The following TJP2 variants were observed in gnomAD, a reference collection of about 807,000 sequenced individuals.
TJP2 encodes tight junction protein 2, also known as Friedreich ataxia region gene X104 (tight junction protein ZO-2).
TJP2 carries 91 observed loss-of-function variants against 133.1 expected under a neutral mutation model. That is an observed-to-expected ratio of 0.68 (90% CI 0.58 to 0.81). TJP2 has a LOEUF of 0.81. Among genes scored for constraint, TJP2 ranks in the 40% least tolerant of loss-of-function variants. TJP2 has a pLI of 0.00. For missense variants in TJP2, 1,541 were observed against 1,565.6 expected (o/e 0.98, Z 0.26); for synonymous variants, 592 against 583.4 (o/e 1.01, Z -0.21).
chr9:69,221,402 C>A lies in TJP2; in HGVS notation c.858C>A (p.Ser286Arg). 1 of 1,580,210 alleles carries A rather than the reference C, an allele frequency of 6.3e-7. No homozygotes were observed. The highest frequency in any genetic ancestry group is 8.6e-7 in the Non-Finnish European group (1 of 1,163,486). The part of the protein sequence containing the change: ...DARSRGPRSR[S>R]REHPHSRSPS... Reference sequence around the variant, plus strand: ...GCTCTCGGGGACCCCGAAGCCGCAGCCGCGAGCACCCGCACTCACGGAGCC... The same window carrying A: ...GCTCTCGGGGACCCCGAAGCCGCAGACGCGAGCACCCGCACTCACGGAGCC... The change falls in exon 5 of 23, where the codon AGC becomes AGA. Residue 286 changes from serine to arginine, a missense_variant. Transcript: ENST00000377245.
At chr9:69,206,824 G>A (rs1355246402) in intron 1 of TJP2, among the ~76,000 whole-genome samples, 1 of 152,038 alleles carries the variant, frequency 6.6e-6, no homozygotes, top group Non-Finnish European at 1.5e-5. Flanking sequence ...TGATCCACCC[G>A]CCTCGGCCTC....
chr9:69,247,114 T>TA (rs1830981157), intron 18 of TJP2, among the ~76,000 whole-genome samples: 1 of 152,200 alleles, frequency 6.6e-6, no homozygotes, highest in African/African-American at 2.4e-5. Flanking sequence ...GTGGGAAACT[T>TA]AGAGTGCAGA....
rs973469198 is a variant in TJP2 at position 69,203,292 on chromosome 9, T to G, written c.61-9256T>G. Among the ~76,000 whole-genome samples the G allele has an allele frequency of 2.7e-5, 4 of 149,620 alleles. No homozygotes were observed. The South Asian group carries it at 8.5e-4, about 32-fold the overall frequency. On this transcript the variant is annotated intron_variant, in intron 1 of 22. Transcript: ENST00000377245. Reference sequence around the variant, plus strand: ...GCTTAGATTCCAAGGTCCTCCTTTGTACCCATTTATTTATATAATAAATAA... The same window carrying G: ...GCTTAGATTCCAAGGTCCTCCTTTGGACCCATTTATTTATATAATAAATAA...
At chr9:69,165,306 A>G (rs1824291104) in intron 2 of TJP2, among the ~76,000 whole-genome samples, 1 of 151,198 alleles carries the variant, frequency 6.6e-6, no homozygotes, top group Non-Finnish European at 1.5e-5. Flanking sequence ...TACTTTTATT[A>G]TTTTTATTTT....
intron 1 of TJP2, among the ~76,000 whole-genome samples, chr9:69,191,714 A>G (rs898435981): frequency 3.3e-5 from 5 of 152,198 alleles, no homozygotes; most frequent in Non-Finnish European, 7.3e-5. Flanking sequence ...CTAAACGTTC[A>G]ATGACTGAAT....
At chr9:69,221,582 G>A (rs939044154) in intron 5 of TJP2, 86 bp downstream of exon 5, 1 of 1,514,428 alleles carries the variant, frequency 6.6e-7, no homozygotes, top group Non-Finnish European at 8.9e-7. Flanking sequence ...CCCCGAAAGT[G>A]TTGCTCTGTC....
chr9:69,247,201 T>G (rs1390674190), intron 18 of TJP2, among the ~76,000 whole-genome samples: 1 of 152,204 alleles, frequency 6.6e-6, no homozygotes, highest in African/African-American at 2.4e-5. Flanking sequence ...TTAGAATTAC[T>G]TAGAAAATAA....
intron 1 of TJP2, among the ~76,000 whole-genome samples, chr9:69,133,099 C>G (rs1049046319): frequency 1.3e-5 from 2 of 152,130 alleles, no homozygotes; most frequent in Non-Finnish European, 2.9e-5. Flanking sequence ...ACAGCTGGGA[C>G]TACAGGCATG....
At chr9:69,236,334 T>C in intron 13 of TJP2, 96 bp downstream of exon 13, 2 of 1,217,012 alleles carry the variant, frequency 1.6e-6, no homozygotes, top group South Asian at 1.3e-5. Flanking sequence ...AAACCCCACA[T>C]GATGAGTTCA....
chr9:69,174,131 C>G (rs1824863597), upstream of TJP2: 2 of 1,233,794 alleles, frequency 1.6e-6, no homozygotes, highest in South Asian at 6.7e-5. Flanking sequence ...GTGGTAGCGG[C>G]CAATTTGACA....
At chr9:69,161,543 T>C (rs1297819239) in intron 2 of TJP2, among the ~76,000 whole-genome samples, 2 of 152,050 alleles carry the variant, frequency 1.3e-5, no homozygotes, top group Non-Finnish European at 2.9e-5. Flanking sequence ...GTGTTTTATC[T>C]ACATTTTGGG....
chr9:69,184,943 T>G (rs1226315127), intron 1 of TJP2, among the ~76,000 whole-genome samples: 1 of 152,062 alleles, frequency 6.6e-6, no homozygotes, highest in Admixed American at 6.5e-5. Context: ...AGAGATGAGG[T>G]CTGTCTATGT....
At chr9:69,201,353 C>A (rs1348769593) in intron 1 of TJP2, among the ~76,000 whole-genome samples, 1 of 151,978 alleles carries the variant, frequency 6.6e-6, no homozygotes, top group Non-Finnish European at 1.5e-5. Context: ...GATGGCCATC[C>A]TCTACTGTCC....
At chr9:69,212,100 CCAATTGGGCATACCCTATG>C (rs1216526524) in intron 1 of TJP2, among the ~76,000 whole-genome samples, 1 of 152,194 alleles carries the variant, frequency 6.6e-6, no homozygotes, top group Non-Finnish European at 1.5e-5. Context: ...CGCAGATCAC[CCAATTGGGCATACCCTATG>C]ATAAGGCTAA....
At chr9:69,174,603 C>T (rs1192084439) in intron 1 of TJP2, among the ~76,000 whole-genome samples, 171 bp downstream of exon 1, 2 of 152,208 alleles carry the variant, frequency 1.3e-5, no homozygotes, top group East Asian at 1.9e-4. Flanking sequence ...TTTCACCGTC[C>T]GGGCTGATGA....
At position 69,221,101 on chromosome 9, in the gene TJP2, G is replaced by T. The variant is rs1828793371; in HGVS notation, c.557G>T (p.Ser186Ile). The T allele has an allele frequency of 1.9e-6, 3 of 1,583,376 alleles. No individual in the cohort carries two copies. Among genetic ancestry groups the T allele is most frequent in the African/African-American group, 2.7e-5 (2 of 74,370 alleles). Residue 186 changes from serine to isoleucine, a missense_variant, in exon 5 of 23, where the codon AGC becomes ATC. Coordinates refer to ENST00000377245, the MANE Select transcript of TJP2 (RefSeq NM_004817.4). ...GGGCGTCCCCATGAGCGGGCCCGGA[G>T]CCGGGAGCGGGACCTCAGCCGGGAC... ...ERGRPHERAR[S>I]RERDLSRDRS... is the part of the protein sequence containing the mutation.
upstream of TJP2, chr9:69,121,355 C>CA (rs1458702152): frequency 1.1e-5 from 11 of 985,338 alleles, no homozygotes; most frequent in Admixed American, 6.2e-5. Context: ...CCTCCGGTCT[C>CA]AAGGAAGCAG....
chr9:69,182,790 T>TC (rs1017791419), intron 1 of TJP2, among the ~76,000 whole-genome samples: 4 of 115,964 alleles, frequency 3.4e-5, no homozygotes, highest in African/African-American at 9.5e-5. Flanking sequence ...ATGAATTTCT[T>TC]TTTTTTTTTT....
Position 69,217,012 on chromosome 9 carries a change from A to G in TJP2, c.239+549A>G, listed in dbSNP as rs542903158. Among the ~76,000 whole-genome samples the G allele has an allele frequency of 5.6e-5, 8 of 143,940 alleles. No homozygotes were observed. The East Asian group carries it at 1.6e-3, about 30-fold the overall frequency. 94.4% of individuals were successfully genotyped at this position (143,940 alleles called of 152,430 possible). The stretch of plus-strand genomic sequence containing the variant: ...TTCTTTTTTTTTTTTTTTTTCAGAC[A>G]GAGTCTTGCTCTGTCACCCAGTCTG... On this transcript the variant is annotated intron_variant, in intron 3 of 22. Coordinates refer to ENST00000377245, the MANE Select transcript of TJP2 (RefSeq NM_004817.4).
Sources: gnomAD v4.1 joint callset for allele counts (sites outside exome capture counted in the v4.1 genomes callset) on GRCh38, gnomAD v4.1.1 for gene constraint, MANE v1.5 for transcripts, NCBI Gene and HGNC (gene_info 2026-07-23, HGNC 2026-07-21) for gene names.